SLC10A7: variants seen among roughly 807,000 people sequenced by gnomAD.
The protein encoded by SLC10A7 is solute carrier family 10 member 7.
In SLC10A7, 29 loss-of-function variants were observed where a neutral mutation model predicts 43.2. The ratio of observed to expected loss-of-function variants is 0.67; its 90% CI spans 0.50 to 0.92. The LOEUF is 0.92. Among genes scored for constraint, SLC10A7 ranks in the 40% least tolerant of loss-of-function variants. The pLI is 0.00. For synonymous variants in SLC10A7, 152 were observed against 144.8 expected (o/e 1.05, Z -0.35); for missense variants, 295 against 403.2 (o/e 0.73, Z 2.30).
chr4:146,482,313 A>T (rs1214824575), intron 4 of SLC10A7, among the ~76,000 whole-genome samples: 1 of 152,234 alleles, frequency 6.6e-6, no homozygotes, highest in Non-Finnish European at 1.5e-5. Flanking sequence ...TTTAAAAATA[A>T]TGATCTTAAG....
intron 4 of SLC10A7, among the ~76,000 whole-genome samples, chr4:146,445,526 G>A (rs1730979192): frequency 6.6e-6 from 1 of 152,154 alleles, no homozygotes; most frequent in Non-Finnish European, 1.5e-5. Flanking sequence ...CCAAGAAGAC[G>A]TGTGTTACAA....
intron 4 of SLC10A7, among the ~76,000 whole-genome samples, chr4:146,448,503 A>G (rs1486799953): frequency 6.6e-6 from 1 of 152,146 alleles, no homozygotes; most frequent in East Asian, 1.9e-4. Flanking sequence ...ATGACATTAT[A>G]TCAAAAATTT....
At chr4:146,444,460 A>C (rs530062892) in intron 4 of SLC10A7, among the ~76,000 whole-genome samples, 1 of 152,314 alleles carries the variant, frequency 6.6e-6, no homozygotes, top group South Asian at 2.1e-4. Flanking sequence ...TCAAAGTAAA[A>C]TAACTATATA....
chr4:146,355,225 A>G (rs375324840), intron 5 of SLC10A7, among the ~76,000 whole-genome samples: 41 of 152,192 alleles, frequency 2.7e-4, no homozygotes, highest in African/African-American at 8.4e-4. Context: ...AAAAGTGGGC[A>G]AAGGACATGA....
At chr4:146,349,364 G>C (rs928205659) in intron 5 of SLC10A7, among the ~76,000 whole-genome samples, 4 of 152,182 alleles carry the variant, frequency 2.6e-5, no homozygotes, top group African/African-American at 7.2e-5. Context: ...AACAACAGTT[G>C]ATGGTAAAGC....
At chr4:146,350,006 A>G (rs1005588156) in intron 5 of SLC10A7, among the ~76,000 whole-genome samples, 2 of 152,118 alleles carry the variant, frequency 1.3e-5, no homozygotes, top group African/African-American at 4.8e-5. Flanking sequence ...AATTAAAAAA[A>G]AATATATATA....
chr4:146,417,825 G>A (rs1464602428), intron 5 of SLC10A7, among the ~76,000 whole-genome samples: 1 of 152,082 alleles, frequency 6.6e-6, no homozygotes, highest in Non-Finnish European at 1.5e-5. Context: ...GGATACTACG[G>A]GAAAGAAGAT....
chr4:146,356,038 A>AT, intron 5 of SLC10A7, among the ~76,000 whole-genome samples: 1 of 32,018 alleles, frequency 3.1e-5, no homozygotes, highest in Non-Finnish European at 6.8e-5. Flanking sequence ...TTAAAGTATA[A>AT]TAAAAAAAAA....
chr4:146,293,397 G>A (rs915648259), intron 8 of SLC10A7, among the ~76,000 whole-genome samples: 1 of 152,104 alleles, frequency 6.6e-6, no homozygotes, highest in Non-Finnish European at 1.5e-5. Context: ...TAGAACAAAA[G>A]GTTGCTTTTT....
intron 5 of SLC10A7, among the ~76,000 whole-genome samples, chr4:146,417,851 T>A (rs1728682921): frequency 6.6e-6 from 1 of 152,092 alleles, no homozygotes; most frequent in African/African-American, 2.4e-5. Context: ...AGAAAAACAT[T>A]GGTGATTTAA....
At chr4:146,427,324 C>T (rs1019158588) in intron 5 of SLC10A7, among the ~76,000 whole-genome samples, 6 of 152,148 alleles carry the variant, frequency 3.9e-5, no homozygotes, top group African/African-American at 1.4e-4. Context: ...GACACACACA[C>T]ACAAAAGAAA....
At chr4:146,334,154 G>C (rs543431914) in intron 5 of SLC10A7, among the ~76,000 whole-genome samples, 43 of 152,086 alleles carry the variant, frequency 2.8e-4, no homozygotes, top group Non-Finnish European at 5.4e-4. Flanking sequence ...CATTTTTCTT[G>C]GGAAAGATGA....
At chr4:146,381,887 C>T (rs1464884613) in intron 5 of SLC10A7, among the ~76,000 whole-genome samples, 2 of 151,944 alleles carry the variant, frequency 1.3e-5, no homozygotes, top group African/African-American at 2.4e-5. Flanking sequence ...TTGCTTAGCC[C>T]TAAAGTCTAA....
chr4:146,433,967 A>G (rs939594577), intron 5 of SLC10A7, among the ~76,000 whole-genome samples: 3 of 152,232 alleles, frequency 2.0e-5, no homozygotes, highest in African/African-American at 7.2e-5. Flanking sequence ...AAAGATAATG[A>G]AAAGGGGGAA....
At chr4:146,463,235 C>A (rs1732698266) in intron 4 of SLC10A7, among the ~76,000 whole-genome samples, 1 of 152,082 alleles carries the variant, frequency 6.6e-6, no homozygotes. Context: ...GACTCCTCAT[C>A]TTTATAATAT....
At chr4:146,282,960 T>C (rs1231924980) in intron 10 of SLC10A7, among the ~76,000 whole-genome samples, 1 of 152,180 alleles carries the variant, frequency 6.6e-6, no homozygotes, top group Non-Finnish European at 1.5e-5. Flanking sequence ...ATTGAAAATA[T>C]GATTATAAAT....
At chr4:146,488,063 T>A (rs1348024311) in intron 4 of SLC10A7, among the ~76,000 whole-genome samples, 3 of 151,988 alleles carry the variant, frequency 2.0e-5, no homozygotes, top group Non-Finnish European at 2.9e-5. Context: ...TGGTAGCACA[T>A]GCCTGTAATC....
chr4:146,485,231 T>A (rs1230571942), intron 4 of SLC10A7, among the ~76,000 whole-genome samples: 2 of 152,168 alleles, frequency 1.3e-5, no homozygotes, highest in African/African-American at 4.8e-5. Flanking sequence ...GACTAGAGAT[T>A]TTTTAGTTAG....
intron 4 of SLC10A7, among the ~76,000 whole-genome samples, chr4:146,469,044 T>C (rs1168468294): frequency 6.6e-6 from 1 of 152,090 alleles, no homozygotes. Context: ...CTCCTGAAAT[T>C]TCCTGAAAAG....
Sources: allele counts gnomAD v4.1 joint callset (sites outside exome capture counted in the v4.1 genomes callset), GRCh38; gene constraint gnomAD v4.1.1; transcripts MANE v1.5; gene names NCBI Gene and HGNC (gene_info 2026-07-23, HGNC 2026-07-21).